The following NIBAN1 variants were observed in gnomAD, a reference collection of about 807,000 sequenced individuals.
The protein encoded by NIBAN1 is niban apoptosis regulator 1.
Under a neutral mutation model 75.1 loss-of-function variants are expected in NIBAN1, and 81 were observed. The ratio of observed to expected loss-of-function variants is 1.08; its 90% CI spans 0.90 to 1.30. The LOEUF is 1.30. Ranked by LOEUF, NIBAN1 falls within the 50% of genes most tolerant of loss-of-function variation. The pLI is 0.00. For synonymous variants in NIBAN1, 436 were observed against 424.8 expected, an observed-to-expected ratio of 1.03 and a Z score of -0.32; for missense variants, 1,133 against 1,128.1, an observed-to-expected ratio of 1.00 and a Z score of -0.06.
At chr1:184,935,162 A>G (rs1327847188) in intron 1 of NIBAN1, among the ~76,000 whole-genome samples, 1 of 152,118 alleles carries the variant, frequency 6.6e-6, no homozygotes, top group Non-Finnish European at 1.5e-5. Flanking sequence ...CACATACTAC[A>G]GCTGTCATAC....
intron 5 of NIBAN1, among the ~76,000 whole-genome samples, chr1:184,852,675 T>C (rs1465772564): frequency 2.0e-5 from 3 of 152,226 alleles, no homozygotes; most frequent in Non-Finnish European, 4.4e-5. Flanking sequence ...TCAGTTGTAT[T>C]GACATTTGGT....
chr1:184,813,087 G>C (rs915590291), intron 9 of NIBAN1, among the ~76,000 whole-genome samples: 3 of 152,200 alleles, frequency 2.0e-5, no homozygotes, highest in Non-Finnish European at 4.4e-5. Flanking sequence ...GGAGGCACCA[G>C]AGACCCCTTT....
At chr1:184,968,916 A>C (rs1658866831) in intron 1 of NIBAN1, among the ~76,000 whole-genome samples, 1 of 152,156 alleles carries the variant, frequency 6.6e-6, no homozygotes. Context: ...TCTGCCCTAC[A>C]TGTGCTCCTT....
chr1:184,933,363 G>A, intron 1 of NIBAN1, among the ~76,000 whole-genome samples: 1 of 152,200 alleles, frequency 6.6e-6, no homozygotes, highest in Non-Finnish European at 1.5e-5. Context: ...CCACCAGTCT[G>A]ACCTATCTTA....
intron 1 of NIBAN1, among the ~76,000 whole-genome samples, chr1:184,939,683 T>C (rs774335518): frequency 6.6e-6 from 1 of 152,220 alleles, no homozygotes; most frequent in Non-Finnish European, 1.5e-5. Flanking sequence ...AACTTTCCTG[T>C]GCTTTGCTTT....
intron 1 of NIBAN1, among the ~76,000 whole-genome samples, chr1:184,916,882 A>G (rs1012536789): frequency 1.3e-5 from 2 of 152,042 alleles, no homozygotes; most frequent in Admixed American, 1.3e-4. Flanking sequence ...CCCTAACCCT[A>G]GAACCCCTCC....
At position 184,909,360 on chromosome 1, in the gene NIBAN1, G is replaced by C. The variant is rs368461458; in HGVS notation, c.56-10051C>G. Among the ~76,000 whole-genome samples the C allele has an allele frequency of 1.9e-3, 287 of 151,852 alleles. 3 individuals carry two copies. In the South Asian group the frequency reaches 0.023, roughly 12 times the overall value. ...TCTCCACACAGACATACATTTGTTTGAAATGCTTGCTTTATATTTTACATT... is the reference window on the plus strand; with the variant it reads ...TCTCCACACAGACATACATTTGTTTCAAATGCTTGCTTTATATTTTACATT... On this transcript the variant is annotated intron_variant, in intron 1 of 13. Coordinates refer to ENST00000367511, the MANE Select transcript of NIBAN1 (RefSeq NM_052966.4).
At chr1:184,935,851 C>A (rs1657943694) in intron 1 of NIBAN1, among the ~76,000 whole-genome samples, 1 of 150,404 alleles carries the variant, frequency 6.6e-6, no homozygotes, top group African/African-American at 2.4e-5. Context: ...TTTCCAGGAA[C>A]CTACATAGCT....
chr1:184,933,962 C>T (rs770927632), intron 1 of NIBAN1, among the ~76,000 whole-genome samples: 4 of 152,028 alleles, frequency 2.6e-5, no homozygotes, highest in Non-Finnish European at 5.9e-5. Flanking sequence ...AGGAACATAC[C>T]GAACCTTTAC....
intron 6 of NIBAN1, among the ~76,000 whole-genome samples, chr1:184,828,223 A>T (rs905961088): frequency 1.3e-5 from 2 of 152,136 alleles, no homozygotes; most frequent in Non-Finnish European, 2.9e-5. Context: ...GCTTTGCCTG[A>T]GCACTTGCCT....
chr1:184,907,900 G>C (rs946540043), intron 1 of NIBAN1, among the ~76,000 whole-genome samples: 6 of 152,092 alleles, frequency 3.9e-5, no homozygotes, highest in African/African-American at 1.4e-4. Flanking sequence ...AAAAATAAGA[G>C]ACATAAAAAC....
At chr1:184,796,402 C>T (rs184629145) in intron 13 of NIBAN1, among the ~76,000 whole-genome samples, 15 of 152,314 alleles carry the variant, frequency 9.8e-5, no homozygotes, top group Admixed American at 9.2e-4. Context: ...AGTAGTGTCA[C>T]CTGTATCCCT....
At chr1:184,906,571 G>A (rs887188437) in intron 1 of NIBAN1, among the ~76,000 whole-genome samples, 11 of 151,916 alleles carry the variant, frequency 7.2e-5, no homozygotes, top group African/African-American at 1.7e-4. Context: ...CGGAGGTTGC[G>A]GTGAGCTGAG....
At chr1:184,904,333 T>A (rs976987549) in intron 1 of NIBAN1, among the ~76,000 whole-genome samples, 1 of 152,118 alleles carries the variant, frequency 6.6e-6, no homozygotes, top group Non-Finnish European at 1.5e-5. Context: ...CACCCTAAAT[T>A]TTTTTTCTTT....
At chr1:184,835,039 C>A (rs1166793704) in intron 5 of NIBAN1, among the ~76,000 whole-genome samples, 1 of 152,254 alleles carries the variant, frequency 6.6e-6, no homozygotes, top group South Asian at 2.1e-4. Flanking sequence ...AGGAGGGGAT[C>A]CAGTTTCAGC....
At chr1:184,841,727 T>G (rs1436332850) in intron 5 of NIBAN1, among the ~76,000 whole-genome samples, 1 of 152,176 alleles carries the variant, frequency 6.6e-6, no homozygotes, top group Non-Finnish European at 1.5e-5. Flanking sequence ...TGGGCTTATC[T>G]TAAAGTCAAA....
chr1:184,971,768 T>G (rs960762783), intron 1 of NIBAN1, among the ~76,000 whole-genome samples: 3 of 152,200 alleles, frequency 2.0e-5, no homozygotes, highest in African/African-American at 7.2e-5. Context: ...TATTATTTAT[T>G]AATAGAAACA....
chr1:184,869,594 G>A (rs1656045042), intron 5 of NIBAN1, among the ~76,000 whole-genome samples: 2 of 151,216 alleles, frequency 1.3e-5, no homozygotes, highest in African/African-American at 4.9e-5. Context: ...CCAAGCCGGA[G>A]TGCAGTGGCT....
intron 3 of NIBAN1, 24 bp from the exon 4 acceptor site, chr1:184,890,246 A>G: frequency 1.3e-6 from 2 of 1,541,574 alleles, no homozygotes; most frequent in African/African-American, 1.4e-5. Flanking sequence ...GGCACACAGG[A>G]ATGATATCTT....
Sources: allele counts gnomAD v4.1 joint callset (sites outside exome capture counted in the v4.1 genomes callset), GRCh38; gene constraint gnomAD v4.1.1; transcripts MANE v1.5; gene names NCBI Gene and HGNC (gene_info 2026-07-23, HGNC 2026-07-21).